The following DDR2 variants were observed in gnomAD, a reference collection of about 807,000 sequenced individuals.
DDR2 encodes the protein discoidin domain-containing receptor 2.
A neutral mutation model predicts 94.9 loss-of-function variants in DDR2; 27 were observed. The observed-to-expected ratio is 0.28, with a 90% CI of 0.21 to 0.39. DDR2 has a LOEUF of 0.39. DDR2 is among the 10% of genes least tolerant of loss of function. DDR2 has a pLI of 1.00. For missense variants in DDR2, 783 were observed against 1,076.0 expected (o/e 0.73, Z 3.81); for synonymous variants, 382 against 377.2 (o/e 1.01, Z -0.15).
At chr1:162,669,629 CATTA>C (rs1321017172) in intron 2 of DDR2, among the ~76,000 whole-genome samples, 57 of 152,266 alleles carry the variant, frequency 3.7e-4, no homozygotes, top group African/African-American at 1.3e-3. Flanking sequence ...AATGTATACT[CATTA>C]ATTAATAATT....
Position 162,786,819 on chromosome 1 carries a change from ATTT to A in DDR2, c.*6575_*6577del, listed in dbSNP as rs1467395495. 28 of 152,234 alleles carry A rather than the reference ATTT, an allele frequency of 1.8e-4. No homozygotes were observed. The highest frequency in any genetic ancestry group is 6.5e-4 in the African/African-American group (27 of 41,456). The allele number at this position is 152,234 out of a possible 1,614,324, so 9.4% of individuals were successfully genotyped here. On this transcript the variant is annotated 3_prime_UTR_variant, in exon 18 of 18. Coordinates refer to ENST00000367921, the MANE Select transcript of DDR2 (RefSeq NM_006182.4). ...ATATCCAAACATACGAGACACTGGGATTTTACGTCCTCACATTAATTAGTCCAG... is the reference window on the plus strand; with the variant it reads ...ATATCCAAACATACGAGACACTGGGATACGTCCTCACATTAATTAGTCCAG...
intron 3 of DDR2, among the ~76,000 whole-genome samples, chr1:162,746,796 CATTTGCTGTTTTGCAAT>C (rs1052075957): frequency 2.7e-4 from 41 of 152,322 alleles, no homozygotes; most frequent in African/African-American, 6.7e-4. Context: ...CAGGCAGCAA[CATTTGCTGTTTTGCAAT>C]ATTTGCTGTT....
At chr1:162,701,970 C>T (rs921837581) in intron 2 of DDR2, among the ~76,000 whole-genome samples, 9 of 152,162 alleles carry the variant, frequency 5.9e-5, no homozygotes, top group African/African-American at 2.2e-4. Flanking sequence ...GGTAGGGAGT[C>T]ACTCATCACC....
chr1:162,676,765 A>G (rs1558020769), intron 2 of DDR2, among the ~76,000 whole-genome samples: 1 of 152,118 alleles, frequency 6.6e-6, no homozygotes, highest in Admixed American at 6.5e-5. Flanking sequence ...AATATTATCC[A>G]CCCCTTCCAC....
rs1328750313 is a variant in DDR2, at chr1:162,673,604, TGTGTGAGAGAGAGA to T, written c.-28+18232_-28+18245del. Among the ~76,000 whole-genome samples the T allele has an allele frequency of 3.8e-3, 490 of 127,660 alleles. 2 individuals are homozygous for T. Among genetic ancestry groups the T allele is most frequent in the Admixed American group, 5.4e-3 (71 of 13,142 alleles). 83.7% of individuals were successfully genotyped at this position (127,660 alleles called of 152,430 possible). On this transcript the variant is annotated intron_variant, in intron 2 of 17. Transcript: ENST00000367921. ...GCGTGTGTGTGTGTGTATGTGTGTG[TGTGTGAGAGAGAGA>T]GAGAGAGAGAGAGAGAGAGAGAGAG...
intron 2 of DDR2, among the ~76,000 whole-genome samples, chr1:162,702,620 C>T (rs1660481743): frequency 6.6e-6 from 1 of 152,206 alleles, no homozygotes; most frequent in South Asian, 2.1e-4. Flanking sequence ...TCATGATTCT[C>T]AATCTTTATG....
Position 162,757,224 on chromosome 1 carries a change from G to T in DDR2, c.671+1455G>T, listed in dbSNP as rs938939969. Among the ~76,000 whole-genome samples the T allele has an allele frequency of 4.6e-5, 7 of 152,288 alleles. No individual in the cohort carries two copies. The East Asian group carries it at 1.3e-3, about 29-fold the overall frequency. On this transcript the variant is annotated intron_variant, in intron 7 of 17. Transcript: ENST00000367921. ...TTAAAATGTGTGTGAAAAGCATTTC[G>T]TAAGATAAATTGCTATGCACATATA...
intron 3 of DDR2, among the ~76,000 whole-genome samples, chr1:162,724,299 C>T (rs1320113191): frequency 6.6e-6 from 1 of 152,186 alleles, no homozygotes; most frequent in Non-Finnish European, 1.5e-5. Flanking sequence ...CAGCCTCATG[C>T]TTTCCTTTCT....
intron 15 of DDR2, 39 bp downstream of exon 15, chr1:162,775,882 T>C (rs777474718): frequency 1.9e-6 from 3 of 1,611,524 alleles, no homozygotes; most frequent in South Asian, 2.2e-5. Context: ...CCTGTGGTCA[T>C]GAGAGTAACC....
intron 13 of DDR2, 57 bp downstream of exon 13, chr1:162,772,304 T>C: frequency 6.4e-7 from 1 of 1,558,892 alleles, no homozygotes; most frequent in Non-Finnish European, 8.8e-7. Flanking sequence ...ATAAAAATGA[T>C]CAGTAGAACA....
chr1:162,656,833 G>GTTTTGTTTTT lies in DDR2; in HGVS notation c.-28+1463_-28+1464insGTTTTTTTTT, dbSNP rs1558008740. 1.6e-3 allele frequency among the ~76,000 whole-genome samples: 104 copies of GTTTTGTTTTT among 65,686 alleles called. 11 individuals are homozygous for GTTTTGTTTTT. The highest frequency in any genetic ancestry group is 2.5e-3 in the Non-Finnish European group (85 of 33,378). 43.1% of individuals were successfully genotyped at this position (65,686 alleles called of 152,430 possible). A position where few individuals can be genotyped will look rare whatever the true frequency, so the allele number is the denominator to read the frequency against. The stretch of plus-strand genomic sequence containing the variant: ...GGTCTTTTCTTCCCCTGCCACTGGA[G>GTTTTGTTTTT]TTTTTTTTTTTTTTTTATTTTTTTT... On this transcript the variant is annotated intron_variant, in intron 2 of 17. Transcript: ENST00000367921.
intron 7 of DDR2, 78 bp downstream of exon 7, chr1:162,755,847 A>C: frequency 3.2e-6 from 4 of 1,235,096 alleles, no homozygotes; most frequent in Non-Finnish European, 4.8e-6. Context: ...CTTGGGATCA[A>C]TAATCAATCA....
chr1:162,639,964 A>C (rs1324063410), intron 1 of DDR2, among the ~76,000 whole-genome samples: 1 of 152,150 alleles, frequency 6.6e-6, no homozygotes, highest in Non-Finnish European at 1.5e-5. Context: ...GATGTATGTC[A>C]TTATACCTTT....
chr1:162,657,504 G>T (rs963492689), intron 2 of DDR2, among the ~76,000 whole-genome samples: 3 of 152,196 alleles, frequency 2.0e-5, no homozygotes, highest in Admixed American at 6.5e-5. Context: ...GCATACTCTG[G>T]ATGGGTAGCC....
chr1:162,778,204 C>T (rs1647694733), intron 16 of DDR2, among the ~76,000 whole-genome samples: 1 of 152,142 alleles, frequency 6.6e-6, no homozygotes, highest in Non-Finnish European at 1.5e-5. Flanking sequence ...GGATTCACTG[C>T]AGGCACTTAA....
chr1:162,642,165 C>G (rs1020125322), intron 1 of DDR2, among the ~76,000 whole-genome samples: 1 of 152,026 alleles, frequency 6.6e-6, no homozygotes, highest in African/African-American at 2.4e-5. Flanking sequence ...CCATGTTGGC[C>G]AGGCTGGTCT....
chr1:162,752,009 C>T (rs996373330), intron 3 of DDR2, among the ~76,000 whole-genome samples: 15 of 151,656 alleles, frequency 9.9e-5, no homozygotes, highest in African/African-American at 1.7e-4. Context: ...GGTGAGGGGA[C>T]GGGGGAGGAA....
chr1:162,672,705 A>G (rs1416680743), intron 2 of DDR2, among the ~76,000 whole-genome samples: 1 of 152,198 alleles, frequency 6.6e-6, no homozygotes, highest in Non-Finnish European at 1.5e-5. Context: ...GTGGTAAAAG[A>G]TTAACTTTTG....
chr1:162,630,882 C>T (rs1340456122), upstream of DDR2, among the ~76,000 whole-genome samples: 1 of 152,202 alleles, frequency 6.6e-6, no homozygotes, highest in Non-Finnish European at 1.5e-5. Context: ...TCAGGCCTGA[C>T]TTCAGATGCT....
Sources: allele counts gnomAD v4.1 joint callset (sites outside exome capture counted in the v4.1 genomes callset), GRCh38; gene constraint gnomAD v4.1.1; transcripts MANE v1.5; gene names NCBI Gene and HGNC (gene_info 2026-07-23, HGNC 2026-07-21).